Variants in RMND5A observed in about 807,000 individuals in gnomAD.
RMND5A encodes required for meiotic nuclear division 5 homolog A, also known as E3 ubiquitin-protein transferase RMND5A.
Under a neutral mutation model 49.7 loss-of-function variants are expected in RMND5A, and 17 were observed. The observed-to-expected ratio is 0.34, with a 90% CI of 0.23 to 0.51. The LOEUF (loss-of-function observed/expected upper bound fraction) is 0.51, where lower values mean the gene tolerates loss of function less well. RMND5A is among the 20% of genes least tolerant of loss of function. The probability of loss-of-function intolerance (pLI) is 0.96; values close to 1 mark genes in which losing one functional copy is unlikely to be tolerated. For missense variants in RMND5A, 255 were observed against 471.3 expected, an observed-to-expected ratio of 0.54 and a Z score of 4.25; for synonymous variants, 156 against 167.7, an observed-to-expected ratio of 0.93 and a Z score of 0.54.
rs980277853 is a variant in RMND5A at position 86,773,530 on chromosome 2, C to T, written c.*119C>T. 4 of 657,920 alleles carry T rather than the reference C, an allele frequency of 6.1e-6. No individual in the cohort carries two copies. Among genetic ancestry groups the T allele is most frequent in the African/African-American group, 5.4e-5 (3 of 55,494 alleles). 40.8% of individuals were successfully genotyped at this position (657,920 alleles called of 1,614,324 possible). ...CCTGTGTTTCTATAAGCTAATGCTC[C>T]AGAAACTTTGCCAACCTGTTAGTGT... On this transcript the variant is annotated 3_prime_UTR_variant, in exon 9 of 9. Transcript: ENST00000283632.
Position 86,771,754 on chromosome 2 carries a change from G to T in RMND5A, c.1112+42G>T, listed in dbSNP as rs577395385. ...TAAAAAATGTTAGCAAATAAATTTT[G>T]TTTTGGAACTTGGTAGGAGGATAAG... On this transcript the variant is annotated intron_variant, in intron 8 of 8. Transcript: ENST00000283632. The T allele has an allele frequency of 4.3e-5, 66 of 1,544,860 alleles. 2 individuals carry two copies. In the South Asian group the frequency reaches 7.0e-4, roughly 16 times the overall value.
rs1242285675 is a variant in RMND5A, at chr2:86,764,482, T to C, written c.522-545T>C. 3.9e-5 allele frequency among the ~76,000 whole-genome samples: 6 copies of C among 152,190 alleles called. No homozygotes were observed. In the East Asian group the frequency reaches 1.2e-3, roughly 29 times the overall value. ...ATTAGAACTATGTTTGTACAAATCA[T>C]TTTGCACAGTAAGATTTACTGTATG... On this transcript the variant is annotated intron_variant, in intron 4 of 8. Transcript: ENST00000283632.
intron 1 of RMND5A, among the ~76,000 whole-genome samples, chr2:86,721,357 C>T (rs1681218546): frequency 6.6e-6 from 1 of 151,882 alleles, no homozygotes; most frequent in African/African-American, 2.4e-5. Context: ...TAACAACAGC[C>T]GCTCCTGCAA....
chr2:86,762,677 TATCA>T, intron 4 of RMND5A, among the ~76,000 whole-genome samples: 1 of 110,620 alleles, frequency 9.0e-6, no homozygotes, highest in Non-Finnish European at 1.8e-5. Flanking sequence ...TATATATATA[TATCA>T]TATATATATC....
In RMND5A at chr2:86,720,482, G is replaced by T. The variant is rs921854369; in HGVS notation, c.-186G>T. ...TCGCCGGGGGGCTAGGGCGCCATGGGGCAGGCGGGCTCCGGCTGCGCGGGG... is the reference window on the plus strand; with the variant it reads ...TCGCCGGGGGGCTAGGGCGCCATGGTGCAGGCGGGCTCCGGCTGCGCGGGG... On this transcript the variant is annotated 5_prime_UTR_variant, in exon 1 of 9. Coordinates refer to ENST00000283632, the MANE Select transcript of RMND5A (RefSeq NM_022780.4). 1.9e-5 allele frequency: 5 copies of T among 259,848 alleles called. No individual in the cohort carries two copies. The highest frequency in any genetic ancestry group is 1.1e-4 in the African/African-American group (5 of 43,578). 16.1% of individuals were successfully genotyped at this position (259,848 alleles called of 1,614,324 possible).
At position 86,751,874 on chromosome 2, in the gene RMND5A, CCTTTCT is replaced by C; in HGVS notation, c.286-15_286-10del. ...GGTGAAAATAATCTATTTATGATTCCCTTTCTCTTTCTTTTCCCCAGAATTTTGATT... is the reference window on the plus strand; with the variant it reads ...GGTGAAAATAATCTATTTATGATTCCCTTTCTTTTCCCCAGAATTTTGATT... On this transcript the variant is annotated splice_polypyrimidine_tract_variant and intron_variant, in intron 2 of 8. Transcript: ENST00000283632. The C allele has an allele frequency of 6.2e-7, 1 of 1,604,848 alleles. No individual in the cohort carries two copies. The highest frequency in any genetic ancestry group is 8.5e-7 in the Non-Finnish European group (1 of 1,174,270).
chr2:86,762,382 C>T (rs531367373), intron 4 of RMND5A, among the ~76,000 whole-genome samples: 8 of 152,138 alleles, frequency 5.3e-5, no homozygotes, highest in African/African-American at 1.7e-4. Flanking sequence ...TGGTGGCTCA[C>T]GCCTGTAATC....
At chr2:86,762,270 T>C (rs1573442901) in intron 4 of RMND5A, among the ~76,000 whole-genome samples, 3 of 152,356 alleles carry the variant, frequency 2.0e-5, no homozygotes, top group Admixed American at 2.0e-4. Flanking sequence ...GCCCATGGTA[T>C]AGCAGTTGAT....
intron 2 of RMND5A, among the ~76,000 whole-genome samples, chr2:86,744,993 ATTTG>A (rs10579421): frequency 0.62 from 92,704 of 150,584 alleles, 28,665 homozygotes; most frequent in East Asian, 0.81. Flanking sequence ...AATAAATAAT[ATTTG>A]TTCTGTGACA....
intron 2 of RMND5A, among the ~76,000 whole-genome samples, chr2:86,750,878 G>T (rs1278001687): frequency 6.6e-6 from 1 of 151,226 alleles, no homozygotes; most frequent in Non-Finnish European, 1.5e-5. Context: ...TTCATCCAAT[G>T]AATTTTTTAT....
rs1320752439 is a variant in RMND5A at position 86,720,821 on chromosome 2, C to A, written c.142+12C>A. 1.3e-5 allele frequency: 20 copies of A among 1,571,096 alleles called. No individual in the cohort carries two copies. Among genetic ancestry groups the A allele is most frequent in the Non-Finnish European group, 1.6e-5 (19 of 1,160,194 alleles). ...CCTGCAGAGCCACGGTAGGGCGGCC[C>A]GCGTGGGCGCGCGGGGCATGGCCCA... is the stretch of plus-strand genomic sequence containing the variant. On this transcript the variant is annotated intron_variant, in intron 1 of 8. Coordinates refer to ENST00000283632, the MANE Select transcript of RMND5A (RefSeq NM_022780.4).
chr2:86,763,840 A>G (rs1443626019), intron 4 of RMND5A, among the ~76,000 whole-genome samples: 1 of 152,146 alleles, frequency 6.6e-6, no homozygotes, highest in Non-Finnish European at 1.5e-5. Context: ...ACTTGACTGC[A>G]TCATTTTAGT....
chr2:86,752,676 C>T (rs1681656868), intron 3 of RMND5A, among the ~76,000 whole-genome samples: 1 of 152,156 alleles, frequency 6.6e-6, no homozygotes, highest in African/African-American at 2.4e-5. Context: ...TGCCCGAGGC[C>T]TTAACAGGTT....
chr2:86,766,148 G>A, intron 6 of RMND5A, 124 bp downstream of exon 6: 3 of 847,920 alleles, frequency 3.5e-6, no homozygotes, highest in Middle Eastern at 3.7e-4. Context: ...AGTGCAATTG[G>A]TATTTCAAAA....
intron 3 of RMND5A, 63 bp from the exon 4 acceptor site, chr2:86,753,395 T>C: frequency 1.1e-6 from 1 of 947,878 alleles, no homozygotes; most frequent in South Asian, 1.4e-5. Flanking sequence ...GAATATACTT[T>C]TACCACTAGC....
At chr2:86,753,172 T>C (rs1256569309) in intron 3 of RMND5A, among the ~76,000 whole-genome samples, 1 of 152,172 alleles carries the variant, frequency 6.6e-6, no homozygotes, top group African/African-American at 2.4e-5. Context: ...TACCTTTGTA[T>C]CCCAGAAAGG....
At chr2:86,751,793 G>T (rs934672398) in intron 2 of RMND5A, 103 bp from the exon 3 acceptor site, 4 of 1,092,964 alleles carry the variant, frequency 3.7e-6, no homozygotes, top group South Asian at 1.9e-5. Context: ...TTGCAGTTGG[G>T]TTCTTATTGG....
chr2:86,768,530 T>A (rs1672637134), intron 6 of RMND5A, among the ~76,000 whole-genome samples: 1 of 152,184 alleles, frequency 6.6e-6, no homozygotes, highest in Non-Finnish European at 1.5e-5. Context: ...ACAGCAGGAT[T>A]GGGCAGAGAG....
chr2:86,760,965 AGTGTGT>A (rs35942120), intron 4 of RMND5A, among the ~76,000 whole-genome samples: 552 of 145,432 alleles, frequency 3.8e-3, no homozygotes, highest in Non-Finnish European at 4.4e-3. Context: ...GAGAGAGAGA[AGTGTGT>A]GTGTGTGTGT....
Sources: gnomAD v4.1 joint callset for allele counts (sites outside exome capture counted in the v4.1 genomes callset) on GRCh38, gnomAD v4.1.1 for gene constraint, MANE v1.5 for transcripts, NCBI Gene and HGNC (gene_info 2026-07-23, HGNC 2026-07-21) for gene names.